TUSC3: variants seen among roughly 807,000 people sequenced by gnomAD.
TUSC3 encodes the protein dolichyl-diphosphooligosaccharide--protein glycosyltransferase subunit TUSC3.
A neutral mutation model predicts 44.8 loss-of-function variants in TUSC3; 45 were observed. The ratio of observed to expected loss-of-function variants is 1.00; its 90% CI spans 0.79 to 1.29. TUSC3 has a LOEUF of 1.29. Ranked by LOEUF, TUSC3 falls within the 50% of genes most tolerant of loss-of-function variation. The probability of loss-of-function intolerance (pLI) is 0.00; values close to 1 mark genes in which losing one functional copy is unlikely to be tolerated. For synonymous variants in TUSC3, 212 were observed against 152.9 expected (o/e 1.39, Z -2.85); for missense variants, 519 against 437.9 (o/e 1.19, Z -1.65).
At chr8:15,782,368 A>G in the TUSC3 span, among the ~76,000 whole-genome samples, 11 of 152,136 alleles carry the variant, frequency 7.2e-5, no homozygotes, top group Middle Eastern at 3.4e-3. Context: ...AGTCATAGCT[A>G]CTTGTAAGGG....
At chr8:15,616,041 A>G (rs951216795) in intron 1 of TUSC3, among the ~76,000 whole-genome samples, 5 of 152,194 alleles carry the variant, frequency 3.3e-5, no homozygotes, top group African/African-American at 2.4e-5. Flanking sequence ...ACTGTGCTGC[A>G]GTCCAGGCTG....
intron 2 of TUSC3, among the ~76,000 whole-genome samples, chr8:15,638,688 G>A (rs1023999149): frequency 6.6e-6 from 1 of 151,712 alleles, no homozygotes; most frequent in Admixed American, 6.6e-5. Context: ...ACCACGCCTG[G>A]CTAATTTTTG....
chr8:15,814,333 T>C, the TUSC3 span, among the ~76,000 whole-genome samples: 2 of 152,170 alleles, frequency 1.3e-5, no homozygotes, highest in African/African-American at 4.8e-5. Flanking sequence ...AAAATAAATT[T>C]ATATTTTTGC....
At chr8:15,439,669 G>C (rs1799995554) in intron 1 of TUSC3, among the ~76,000 whole-genome samples, 2 of 152,184 alleles carry the variant, frequency 1.3e-5, no homozygotes, top group Admixed American at 6.5e-5. Context: ...TTGGGAGTGA[G>C]GACTAGATCT....
At chr8:15,696,378 C>CAA (rs1286663999) in intron 6 of TUSC3, among the ~76,000 whole-genome samples, 1 of 152,134 alleles carries the variant, frequency 6.6e-6, no homozygotes, top group African/African-American at 2.4e-5. Flanking sequence ...TTGGGAACCT[C>CAA]TGTATAGATT....
intron 1 of TUSC3, among the ~76,000 whole-genome samples, chr8:15,436,361 G>T (rs542713523): frequency 6.6e-6 from 1 of 152,230 alleles, no homozygotes; most frequent in South Asian, 2.1e-4. Context: ...ATGTCTATTG[G>T]CCAGTTATCT....
intron 1 of TUSC3, among the ~76,000 whole-genome samples, chr8:15,605,335 C>T (rs1804474622): frequency 6.6e-6 from 1 of 151,820 alleles, no homozygotes; most frequent in African/African-American, 2.4e-5. Flanking sequence ...CTCTAACTGG[C>T]AATAACTGTT....
intron 1 of TUSC3, among the ~76,000 whole-genome samples, chr8:15,463,072 T>G (rs559350659): frequency 6.6e-6 from 1 of 152,170 alleles, no homozygotes; most frequent in South Asian, 2.1e-4. Flanking sequence ...ACCTTCTCCT[T>G]TTTTTCTTCT....
At chr8:15,742,018 A>G (rs1386125357) in intron 7 of TUSC3, among the ~76,000 whole-genome samples, 1 of 152,192 alleles carries the variant, frequency 6.6e-6, no homozygotes, top group African/African-American at 2.4e-5. Flanking sequence ...ATACAAGTAG[A>G]TGGTCCAAAA....
chr8:15,737,901 GGTAA>G (rs1172685576), intron 7 of TUSC3, among the ~76,000 whole-genome samples: 3 of 151,966 alleles, frequency 2.0e-5, no homozygotes, highest in Non-Finnish European at 1.5e-5. Flanking sequence ...TTCCCCAAAT[GGTAA>G]GTATTATTCA....
chr8:15,670,777 A>G (rs563599127), intron 5 of TUSC3, among the ~76,000 whole-genome samples: 1 of 152,036 alleles, frequency 6.6e-6, no homozygotes, highest in African/African-American at 2.4e-5. Flanking sequence ...GGTGAGGACT[A>G]TTTGCCATGT....
At chr8:15,672,303 G>A (rs190662585) in intron 5 of TUSC3, among the ~76,000 whole-genome samples, 13 of 151,828 alleles carry the variant, frequency 8.6e-5, no homozygotes, top group African/African-American at 2.7e-4. Flanking sequence ...AAACCCCTGC[G>A]GTTTAGAAAG....
At chr8:15,506,753 A>G (rs1450120206) in intron 2 of TUSC3, among the ~76,000 whole-genome samples, 1 of 152,132 alleles carries the variant, frequency 6.6e-6, no homozygotes, top group Non-Finnish European at 1.5e-5. Context: ...AGTCCCTCCC[A>G]CAACACGTGA....
At chr8:15,555,924 A>G (rs981934591) in intron 1 of TUSC3, among the ~76,000 whole-genome samples, 3 of 151,640 alleles carry the variant, frequency 2.0e-5, no homozygotes, top group African/African-American at 4.8e-5. Flanking sequence ...TATATCAATA[A>G]TGTATGCTTT....
At chr8:15,610,205 T>A (rs1000739012) in intron 1 of TUSC3, among the ~76,000 whole-genome samples, 1 of 152,206 alleles carries the variant, frequency 6.6e-6, no homozygotes, top group African/African-American at 2.4e-5. Context: ...CATAGCATAC[T>A]TTGAAATCCA....
intron 1 of TUSC3, among the ~76,000 whole-genome samples, chr8:15,419,341 C>G (rs1799695638): frequency 6.6e-6 from 1 of 152,216 alleles, no homozygotes; most frequent in South Asian, 2.1e-4. Flanking sequence ...TGTTGCATAA[C>G]TTTCCGTGCA....
At chr8:15,439,061 C>T (rs927083325) in intron 1 of TUSC3, among the ~76,000 whole-genome samples, 8 of 152,142 alleles carry the variant, frequency 5.3e-5, no homozygotes, top group Non-Finnish European at 8.8e-5. Flanking sequence ...GGCTATTTGA[C>T]GGCACTGTGA....
intron 7 of TUSC3, among the ~76,000 whole-genome samples, chr8:15,740,661 T>TTG (rs1471099035): frequency 6.6e-6 from 1 of 152,200 alleles, no homozygotes; most frequent in Non-Finnish European, 1.5e-5. Context: ...TTGGGTAGTA[T>TTG]TGTGTTAGTG....
intron 6 of TUSC3, among the ~76,000 whole-genome samples, chr8:15,722,439 G>A (rs1225650878): frequency 1.3e-5 from 2 of 151,950 alleles, no homozygotes; most frequent in Non-Finnish European, 2.9e-5. Flanking sequence ...ACTGAATCTA[G>A]TCTCTGGTTA....
Sources: gnomAD v4.1 joint callset for allele counts (sites outside exome capture counted in the v4.1 genomes callset) on GRCh38, gnomAD v4.1.1 for gene constraint, MANE v1.5 for transcripts, NCBI Gene and HGNC (gene_info 2026-07-23, HGNC 2026-07-21) for gene names.